KSR1: variants seen among roughly 807,000 people sequenced by gnomAD.
KSR1 encodes the protein kinase suppressor of ras 1.
A neutral mutation model predicts 92.9 loss-of-function variants in KSR1; 35 were observed. The ratio of observed to expected loss-of-function variants is 0.38; its 90% CI spans 0.29 to 0.50. The LOEUF (loss-of-function observed/expected upper bound fraction) is 0.50, where lower values mean the gene tolerates loss of function less well. KSR1 is among the 20% of genes least tolerant of loss of function. KSR1 has a pLI of 0.94. For synonymous variants in KSR1, 467 were observed against 472.6 expected, an observed-to-expected ratio of 0.99 and a Z score of 0.15; for missense variants, 972 against 1,158.5, an observed-to-expected ratio of 0.84 and a Z score of 2.34.
At chr17:27,501,284 C>CTTTTTTTTTTTTTTTTTTTTTTTTTT (rs2069171184) in intron 1 of KSR1, among the ~76,000 whole-genome samples, 1 of 48,288 alleles carries the variant, frequency 2.1e-5, no homozygotes, top group Non-Finnish European at 4.3e-5. Flanking sequence ...TTTTTAATTT[C>CTTTTTTTTTTTTTTTTTTTTTTTTTT]TTTTCTTCTT....
chr17:27,471,638 C>T (rs2020010846), intron 1 of KSR1, among the ~76,000 whole-genome samples: 1 of 152,126 alleles, frequency 6.6e-6, no homozygotes, highest in African/African-American at 2.4e-5. Context: ...CAGTGCTGGG[C>T]CGCAGGAGAG....
At chr17:27,608,590 C>G (rs902451859) in intron 15 of KSR1, among the ~76,000 whole-genome samples, 1 of 151,888 alleles carries the variant, frequency 6.6e-6, no homozygotes, top group African/African-American at 2.4e-5. Flanking sequence ...GTGAGGAAAC[C>G]AGTCTTCAGA....
intron 1 of KSR1, among the ~76,000 whole-genome samples, chr17:27,507,664 C>T (rs1325459085): frequency 2.1e-5 from 3 of 140,400 alleles, no homozygotes; most frequent in African/African-American, 7.8e-5. Context: ...GTAACCTCCA[C>T]CTCCCGGGTT....
In KSR1 at chr17:27,609,238, C is replaced by T; in HGVS notation, c.2134C>T (p.Leu712Phe). ...TGCCAAGGGCATCGTACACAAAGATCTCAAATCTAAGAACGTCTTCTATGA... is the reference window on the plus strand; with the variant it reads ...TGCCAAGGGCATCGTACACAAAGATTTCAAATCTAAGAACGTCTTCTATGA... ...LHAKGIVHKD[L>F]KSKNVFYDNG... Residue 712 changes from leucine to phenylalanine, a missense_variant, in exon 16 of 21, where the codon CTC becomes TTC. By Grantham distance (22) the Leu-to-Phe change is conservative (BLOSUM62 0). Coordinates refer to ENST00000644974, the MANE Select transcript of KSR1 (RefSeq NM_001394583.1). 1.2e-6 allele frequency: 2 copies of T among 1,614,020 alleles called. No individual in the cohort carries two copies. Among genetic ancestry groups the T allele is most frequent in the Non-Finnish European group, 1.7e-6 (2 of 1,179,880 alleles).
Position 27,585,645 on chromosome 17 carries a change from T to C in KSR1, c.981-12T>C. On this transcript the variant is annotated splice_polypyrimidine_tract_variant and intron_variant, in intron 4 of 20. Transcript: ENST00000644974. ...TGACGTAATCCCCCTCTCTGCTTTT[T>C]GTCTCCTCCAGGTTTGGTAAGAGAG... 1 of 762,860 alleles carries C rather than the reference T, an allele frequency of 1.3e-6. No individual in the cohort carries two copies. Among genetic ancestry groups the C allele is most frequent in the Non-Finnish European group, 2.4e-6 (1 of 409,276 alleles). The allele number at this position is 762,860 out of a possible 1,614,324, so 47.3% of individuals were successfully genotyped here. A position where few individuals can be genotyped will look rare whatever the true frequency, so the allele number is the denominator to read the frequency against.
intron 2 of KSR1, among the ~76,000 whole-genome samples, chr17:27,569,287 G>T (rs566994316): frequency 1.3e-5 from 2 of 152,352 alleles, no homozygotes; most frequent in East Asian, 3.9e-4. Context: ...GAGTAGCTGT[G>T]TGTGTTTCTC....
intron 19 of KSR1, among the ~76,000 whole-genome samples, chr17:27,619,335 G>C (rs1013919389): frequency 6.6e-6 from 1 of 150,792 alleles, no homozygotes; most frequent in Non-Finnish European, 1.5e-5. Context: ...CTTTAAAGTA[G>C]TCAGAACCTT....
At chr17:27,552,320 G>C (rs8069878) in intron 2 of KSR1, among the ~76,000 whole-genome samples, 2,902 of 152,294 alleles carry the variant, frequency 0.019, 58 homozygotes, top group African/African-American at 0.055. Context: ...AATCCCCATT[G>C]AGTGTCGGGC....
chr17:27,527,453 A>G (rs988783013), intron 1 of KSR1, among the ~76,000 whole-genome samples: 1 of 125,766 alleles, frequency 8.0e-6, no homozygotes, highest in African/African-American at 3.2e-5. Flanking sequence ...CCTAGGCTAG[A>G]GTGCAATGGC....
intron 1 of KSR1, among the ~76,000 whole-genome samples, chr17:27,515,249 C>T (rs1461124392): frequency 6.6e-6 from 1 of 152,124 alleles, no homozygotes; most frequent in Non-Finnish European, 1.5e-5. Context: ...AACAACAGAC[C>T]ACGTGTATGA....
At chr17:27,472,537 C>T (rs917679601) in intron 1 of KSR1, among the ~76,000 whole-genome samples, 2 of 152,146 alleles carry the variant, frequency 1.3e-5, no homozygotes, top group African/African-American at 2.4e-5. Context: ...GGCTGGGCCC[C>T]GTGGCTCATG....
intron 18 of KSR1, among the ~76,000 whole-genome samples, chr17:27,613,815 A>AT (rs879355876): frequency 3.9e-5 from 6 of 152,018 alleles, no homozygotes; most frequent in Non-Finnish European, 8.8e-5. Flanking sequence ...GTCTTTTTAA[A>AT]TTTTTTTTGA....
chr17:27,526,919 C>T (rs1303257066), intron 1 of KSR1: 4 of 620,188 alleles, frequency 6.4e-6, no homozygotes, highest in Non-Finnish European at 1.2e-5. Flanking sequence ...CTTGGTTACT[C>T]AGGAGGGGGC....
intron 2 of KSR1, among the ~76,000 whole-genome samples, chr17:27,566,926 A>C (rs1190813808): frequency 6.6e-6 from 1 of 152,110 alleles, no homozygotes; most frequent in African/African-American, 2.4e-5. Context: ...CTACCTCTCC[A>C]TGCTTCTGGT....
chr17:27,526,860 A>G (rs1291414645), intron 1 of KSR1: 2 of 686,670 alleles, frequency 2.9e-6, no homozygotes, highest in African/African-American at 3.6e-5. Context: ...AGTGCTCTGC[A>G]GGAAGTAGAG....
In KSR1 at chr17:27,613,531, G is replaced by A. The variant is rs545878568; in HGVS notation, c.2493+1902G>A. On this transcript the variant is annotated intron_variant, in intron 18 of 20. Coordinates refer to ENST00000644974, the MANE Select transcript of KSR1 (RefSeq NM_001394583.1). ...CCTGCATAAGGCGCGAATTCCTGGT[G>A]GCTCCACCCTATTCCCCCAGTGCAT... 5.3e-5 allele frequency among the ~76,000 whole-genome samples: 8 copies of A among 152,340 alleles called. No homozygotes were observed. In the South Asian group the frequency reaches 1.7e-3, roughly 32 times the overall value.
chr17:27,459,619 G>C lies in KSR1; in HGVS notation c.231+2745G>C, dbSNP rs1229493048. Among the ~76,000 whole-genome samples the C allele has an allele frequency of 6.6e-6, 1 of 152,260 alleles. No individual in the cohort carries two copies. Among genetic ancestry groups the C allele is most frequent in the African/African-American group, 2.4e-5 (1 of 41,474 alleles). ...CCCAGAGACTGTGCTTGCAACACTG[G>C]ATTCCTGGCTTTTGAAGAAGGATCT... On this transcript the variant is annotated intron_variant, in intron 1 of 20. Transcript: ENST00000644974. This position sits in a 1 kb window ranked among gnomAD's most constrained non-coding sequence, Gnocchi z 4.6.
intron 19 of KSR1, among the ~76,000 whole-genome samples, chr17:27,619,095 TG>T (rs2151270064): frequency 6.6e-6 from 1 of 151,930 alleles, no homozygotes; most frequent in East Asian, 1.9e-4. Flanking sequence ...TTGATGAGAG[TG>T]AGGGGAAGAG....
intron 18 of KSR1, among the ~76,000 whole-genome samples, chr17:27,615,766 A>G (rs1365762880): frequency 6.6e-6 from 1 of 152,196 alleles, no homozygotes. Context: ...ACTCCAGCAA[A>G]TAAACTGCGA....
Sources: allele counts gnomAD v4.1 joint callset (sites outside exome capture counted in the v4.1 genomes callset), GRCh38; gene constraint gnomAD v4.1.1; non-coding constraint Gnocchi (gnomAD v3.1); transcripts MANE v1.5; gene names NCBI Gene and HGNC (gene_info 2026-07-23, HGNC 2026-07-21).